FHOD3: variants seen among roughly 807,000 people sequenced by gnomAD.
FHOD3 encodes the protein FH1/FH2 domain-containing protein 3.
A neutral mutation model predicts 173.0 loss-of-function variants in FHOD3; 90 were observed. That is an observed-to-expected ratio of 0.52 (90% CI 0.44 to 0.62). FHOD3 has a LOEUF of 0.62. Among genes scored for constraint, FHOD3 ranks in the 20% least tolerant of loss-of-function variants. FHOD3 has a pLI of 0.00. For missense variants in FHOD3, 1,945 were observed against 2,034.7 expected (o/e 0.96, Z 0.85); for synonymous variants, 828 against 823.0 (o/e 1.01, Z -0.10).
At chr18:36,579,070 C>T (rs1320340321) in intron 6 of FHOD3, among the ~76,000 whole-genome samples, 1 of 152,108 alleles carries the variant, frequency 6.6e-6, no homozygotes, top group Non-Finnish European at 1.5e-5. Flanking sequence ...TCAGCCAGAC[C>T]GAGGGAAGAT....
intron 10 of FHOD3, among the ~76,000 whole-genome samples, chr18:36,642,989 G>T (rs776454285): frequency 6.0e-5 from 9 of 150,350 alleles, no homozygotes; most frequent in Admixed American, 2.0e-4. Flanking sequence ...CTGATTTTCT[G>T]CACTTTGTTG....
chr18:36,364,846 C>A (rs369502453), intron 2 of FHOD3, among the ~76,000 whole-genome samples: 2 of 151,968 alleles, frequency 1.3e-5, no homozygotes, highest in East Asian at 3.9e-4. Context: ...GTGAGAGGAG[C>A]AAGGCAAGGC....
intron 10 of FHOD3, among the ~76,000 whole-genome samples, chr18:36,637,830 C>T (rs1453989474): frequency 5.9e-5 from 9 of 152,138 alleles, no homozygotes; most frequent in African/African-American, 1.9e-4. Flanking sequence ...TGTGGTACAG[C>T]ATGGCAAACA....
chr18:36,709,147 A>C lies in FHOD3; in HGVS notation c.2289A>C (p.Ala763=). The part of the protein sequence containing the change: ...PESEAEPEAE[A]GAGQVADEAG... ...CAGAGGCAGAACCGGAAGCAGAGGC[A>C]GGGGCGGGGCAGGTTGCTGATGAAG... is the stretch of plus-strand genomic sequence containing the variant. The change falls in exon 18 of 29, where the codon GCA becomes GCC. Residue 763 remains alanine, a synonymous_variant. Coordinates refer to ENST00000590592, the MANE Select transcript of FHOD3 (RefSeq NM_001281740.3). 6.2e-7 allele frequency: 1 copy of C among 1,612,660 alleles called. No individual in the cohort carries two copies. The highest frequency in any genetic ancestry group is 8.5e-7 in the Non-Finnish European group (1 of 1,178,724).
intron 5 of FHOD3, among the ~76,000 whole-genome samples, chr18:36,573,145 T>C (rs1207090642): frequency 7.4e-6 from 1 of 134,624 alleles, no homozygotes; most frequent in South Asian, 2.6e-4. Context: ...AGTCTTATTT[T>C]TGTTCTTTTT....
rs116353117 is a variant in FHOD3 at position 36,780,112 on chromosome 18, G to A, written c.*582G>A. ...GGACCTTAAACAGTTCCACAGGCTC[G>A]CCTCTTCAGAATGGCAAAACTCTTC... On this transcript the variant is annotated 3_prime_UTR_variant, in exon 29 of 29. Coordinates refer to ENST00000590592, the MANE Select transcript of FHOD3 (RefSeq NM_001281740.3). The A allele has an allele frequency of 1.3e-3, 1,606 of 1,230,882 alleles. 20 individuals carry two copies. The African/African-American group carries it at 0.022, about 17-fold the overall frequency. 76.2% of individuals were successfully genotyped at this position (1,230,882 alleles called of 1,614,324 possible).
Position 36,641,868 on chromosome 18 carries a change from G to T in FHOD3, c.1197-7448G>T, listed in dbSNP as rs149556742. On this transcript the variant is annotated intron_variant, in intron 10 of 28. Transcript: ENST00000590592. ...CTACTGAGGCTGAGGCAGGAGAATC[G>T]CTTGAACCCGGGGGTTGGAGGTTGC... Among the ~76,000 whole-genome samples the T allele has an allele frequency of 3.1e-3, 467 of 151,526 alleles. 4 individuals carry two copies. The highest frequency in any genetic ancestry group is 0.011 in the African/African-American group (447 of 41,256).
intron 14 of FHOD3, among the ~76,000 whole-genome samples, chr18:36,667,425 A>G (rs2037251725): frequency 6.6e-6 from 1 of 152,198 alleles, no homozygotes; most frequent in Admixed American, 6.5e-5. Flanking sequence ...AAGATAAACA[A>G]AGATAGAGAC....
chr18:36,742,980 T>C (rs1304001698), intron 22 of FHOD3, 124 bp downstream of exon 22: 19 of 1,361,892 alleles, frequency 1.4e-5, no homozygotes, highest in Non-Finnish European at 1.6e-5. Context: ...CTTTTGTGTC[T>C]TCTTGCTGAA....
chr18:36,302,292 A>G (rs181494214), intron 1 of FHOD3, among the ~76,000 whole-genome samples: 23 of 152,124 alleles, frequency 1.5e-4, no homozygotes, highest in African/African-American at 5.3e-4. Context: ...CCCATCTGTA[A>G]ACAGCTGATT....
At chr18:36,641,868 G>A (rs149556742) in intron 10 of FHOD3, among the ~76,000 whole-genome samples, 4 of 151,408 alleles carry the variant, frequency 2.6e-5, no homozygotes, top group Admixed American at 6.6e-5. Flanking sequence ...CAGGAGAATC[G>A]CTTGAACCCG....
intron 4 of FHOD3, among the ~76,000 whole-genome samples, chr18:36,508,453 G>C (rs2055429520): frequency 6.6e-6 from 1 of 152,122 alleles, no homozygotes; most frequent in Non-Finnish European, 1.5e-5. Context: ...CTTATACAGA[G>C]AGCAAGAAAG....
chr18:36,426,054 A>G (rs536617788), intron 3 of FHOD3, among the ~76,000 whole-genome samples: 9 of 144,102 alleles, frequency 6.2e-5, no homozygotes, highest in Middle Eastern at 3.6e-3. Context: ...ACAGGCGGCC[A>G]CCACCATGCC....
chr18:36,385,647 C>T (rs1252522552), intron 3 of FHOD3, among the ~76,000 whole-genome samples: 3 of 152,240 alleles, frequency 2.0e-5, no homozygotes, highest in Non-Finnish European at 4.4e-5. Context: ...GGTGATCCGC[C>T]TGCCTTGCCT....
At chr18:36,773,318 G>A (rs1269796683) in intron 28 of FHOD3, among the ~76,000 whole-genome samples, 1 of 152,170 alleles carries the variant, frequency 6.6e-6, no homozygotes, top group Non-Finnish European at 1.5e-5. Flanking sequence ...GTAAAAAGAC[G>A]AATCCAAGAA....
At chr18:36,502,987 T>C (rs2055118835) in intron 4 of FHOD3, among the ~76,000 whole-genome samples, 1 of 152,208 alleles carries the variant, frequency 6.6e-6, no homozygotes, top group Non-Finnish European at 1.5e-5. Flanking sequence ...TATTCATTCT[T>C]CTATTGGCAG....
At chr18:36,705,006 G>GA (rs397784791) in intron 17 of FHOD3, among the ~76,000 whole-genome samples, 3,400 of 151,232 alleles carry the variant, frequency 0.022, 44 homozygotes, top group Non-Finnish European at 0.034. Context: ...TCTCTCTAAG[G>GA]TTTGCTTCGT....
At chr18:36,758,634 C>T (rs780816521) in intron 25 of FHOD3, among the ~76,000 whole-genome samples, 1 of 152,130 alleles carries the variant, frequency 6.6e-6, no homozygotes, top group African/African-American at 2.4e-5. Context: ...ATCCTGCGCT[C>T]GGGATGGGAT....
At chr18:36,369,882 G>A (rs2146036252) in intron 2 of FHOD3, among the ~76,000 whole-genome samples, 1 of 152,298 alleles carries the variant, frequency 6.6e-6, no homozygotes, top group Non-Finnish European at 1.5e-5. Flanking sequence ...TGCAGTGAAA[G>A]GCAGGGTGGT....
Sources: allele counts gnomAD v4.1 joint callset (sites outside exome capture counted in the v4.1 genomes callset), GRCh38; gene constraint gnomAD v4.1.1; transcripts MANE v1.5; gene names NCBI Gene and HGNC (gene_info 2026-07-23, HGNC 2026-07-21).